Variants in NEDD4L observed in about 807,000 individuals in gnomAD.
The protein encoded by NEDD4L is NEDD4 like E3 ubiquitin protein ligase.
NEDD4L carries 54 observed loss-of-function variants against 148.9 expected under a neutral mutation model. That is an observed-to-expected ratio of 0.36 (90% confidence interval 0.29 to 0.45). The LOEUF (loss-of-function observed/expected upper bound fraction) is 0.45. Ranked by LOEUF, NEDD4L falls within the 20% of genes least tolerant of loss-of-function variation. NEDD4L has a pLI of 1.00. For synonymous variants in NEDD4L, 433 were observed against 440.7 expected, an observed-to-expected ratio of 0.98 and a Z score of 0.22; for missense variants, 856 against 1,233.8, an observed-to-expected ratio of 0.69 and a Z score of 4.59.
intron 5 of NEDD4L, among the ~76,000 whole-genome samples, chr18:58,283,034 A>G (rs7239980): frequency 0.45 from 69,055 of 151,964 alleles, 16,540 homozygotes; most frequent in African/African-American, 0.61. Flanking sequence ...AAGGAACGTG[A>G]TAAATTGCAC....
intron 25 of NEDD4L, among the ~76,000 whole-genome samples, chr18:58,384,207 T>C (rs1036180502): frequency 6.6e-6 from 1 of 152,224 alleles, no homozygotes; most frequent in Non-Finnish European, 1.5e-5. Flanking sequence ...TTCAGTGTGA[T>C]CTGCAAAGAA....
rs1317135693 is a variant in NEDD4L, at chr18:58,256,124, C to T, written c.297+4070C>T. 1.1e-5 allele frequency: 14 copies of T among 1,225,820 alleles called. No homozygotes were observed. The highest frequency in any genetic ancestry group is 1.3e-5 in the Non-Finnish European group (13 of 984,210). The allele number at this position is 1,225,820 out of a possible 1,614,324, so 75.9% of individuals were successfully genotyped here. A position where few individuals can be genotyped will look rare whatever the true frequency, so the allele number is the denominator to read the frequency against. On this transcript the variant is annotated intron_variant, in intron 5 of 30. Coordinates refer to ENST00000400345, the MANE Select transcript of NEDD4L (RefSeq NM_001144967.3). This position sits in a 1 kb window ranked among gnomAD's most constrained non-coding sequence, Gnocchi z 5.2. ...CTCCCCTCCGAGGGCAGCCCGGGAC[C>T]CAGGGCTCCAGGTCAACGGCACGTG... is the stretch of plus-strand genomic sequence containing the variant.
intron 3 of NEDD4L, among the ~76,000 whole-genome samples, chr18:58,248,076 C>T (rs921810587): frequency 6.6e-6 from 1 of 152,128 alleles, no homozygotes; most frequent in African/African-American, 2.4e-5. Flanking sequence ...ATATCTATCG[C>T]TGTTGGTGAA....
At chr18:58,245,299 A>G in intron 2 of NEDD4L, 128 bp from the exon 3 acceptor site, 1 of 531,828 alleles carries the variant, frequency 1.9e-6, no homozygotes. Context: ...TAAAAAGGTT[A>G]TTGCTTAGTT....
At chr18:58,252,116 G>A (rs2048008979) in intron 5 of NEDD4L, 62 bp downstream of exon 5, 1 of 1,071,244 alleles carries the variant, frequency 9.3e-7, no homozygotes, top group East Asian at 2.4e-5. Flanking sequence ...TTTCAGAGCA[G>A]CGTCTTTAAA....
chr18:58,101,111 A>C (rs2084727944), intron 1 of NEDD4L, among the ~76,000 whole-genome samples: 3 of 152,234 alleles, frequency 2.0e-5, no homozygotes, highest in Admixed American at 2.0e-4. Context: ...TGGATGAAAA[A>C]GAAATAACTT....
chr18:58,109,561 G>GTTTTTTTTTGTTT (rs1568228305), intron 1 of NEDD4L, among the ~76,000 whole-genome samples: 2 of 135,948 alleles, frequency 1.5e-5, no homozygotes, highest in Non-Finnish European at 3.1e-5. Flanking sequence ...CAACTAGGAG[G>GTTTTTTTTTGTTT]TTTTTTTTTT....
intron 1 of NEDD4L, among the ~76,000 whole-genome samples, chr18:58,101,047 C>A (rs9961344): frequency 6.6e-6 from 1 of 152,080 alleles, no homozygotes; most frequent in Non-Finnish European, 1.5e-5. Context: ...CTCAAGGGAT[C>A]CTCCCTCCTT....
At chr18:58,082,669 G>A (rs977306118) in intron 1 of NEDD4L, among the ~76,000 whole-genome samples, 1 of 151,408 alleles carries the variant, frequency 6.6e-6, no homozygotes, top group South Asian at 2.1e-4. Flanking sequence ...CTACTTGAGC[G>A]TCTGAGGCAG....
At chr18:58,097,651 G>A (rs984994274) in intron 1 of NEDD4L, among the ~76,000 whole-genome samples, 13 of 152,222 alleles carry the variant, frequency 8.5e-5, no homozygotes, top group Non-Finnish European at 2.9e-5. Context: ...TATACAGATG[G>A]AGTGGGAAGA....
chr18:58,230,972 A>G (rs2045105481), intron 2 of NEDD4L, among the ~76,000 whole-genome samples: 3 of 152,110 alleles, frequency 2.0e-5, no homozygotes, highest in Admixed American at 2.0e-4. Context: ...ACAAGTCTGG[A>G]CGTGGTGACT....
At chr18:58,192,036 T>A (rs2040177472) in intron 2 of NEDD4L, among the ~76,000 whole-genome samples, 1 of 152,102 alleles carries the variant, frequency 6.6e-6, no homozygotes, top group Non-Finnish European at 1.5e-5. Context: ...CCTGGTGTGG[T>A]GGCATGCACC....
intron 1 of NEDD4L, among the ~76,000 whole-genome samples, chr18:58,162,453 C>T (rs2036338852): frequency 6.6e-6 from 1 of 152,020 alleles, no homozygotes; most frequent in African/African-American, 2.4e-5. Flanking sequence ...TGTCTTTTCG[C>T]CAAAGAAGCC....
chr18:58,114,867 A>G (rs933905212), intron 1 of NEDD4L, among the ~76,000 whole-genome samples: 2 of 152,086 alleles, frequency 1.3e-5, no homozygotes, highest in African/African-American at 2.4e-5. Flanking sequence ...CCATTCCCAC[A>G]TGGTCACATC....
At chr18:58,146,559 G>C (rs568948350) in intron 1 of NEDD4L, among the ~76,000 whole-genome samples, 1 of 152,328 alleles carries the variant, frequency 6.6e-6, no homozygotes, top group Admixed American at 6.5e-5. Context: ...GAAAGTCCCA[G>C]AGTAGGGTTC....
chr18:58,069,758 G>T (rs2082775547), intron 1 of NEDD4L, among the ~76,000 whole-genome samples: 1 of 152,178 alleles, frequency 6.6e-6, no homozygotes, highest in Non-Finnish European at 1.5e-5. Context: ...GAGAACATTG[G>T]CAAAACCTAT....
chr18:58,271,840 G>A (rs2051087199), intron 5 of NEDD4L, among the ~76,000 whole-genome samples: 2 of 152,102 alleles, frequency 1.3e-5, no homozygotes, highest in Non-Finnish European at 2.9e-5. Flanking sequence ...TTTTCGTTTT[G>A]TATGTTTTCC....
chr18:58,383,342 CCTTTT>C (rs753275320), intron 25 of NEDD4L, 23 bp downstream of exon 25: 2 of 1,311,832 alleles, frequency 1.5e-6, no homozygotes, highest in South Asian at 2.6e-5. Flanking sequence ...ATATTTACTG[CCTTTT>C]CTTTGAATAA....
At chr18:58,298,461 T>C (rs1338622789) in intron 5 of NEDD4L, among the ~76,000 whole-genome samples, 1 of 152,244 alleles carries the variant, frequency 6.6e-6, no homozygotes. Flanking sequence ...GGCAAATTAC[T>C]TAACTTTTTG....
Sources: allele counts gnomAD v4.1 joint callset (sites outside exome capture counted in the v4.1 genomes callset), GRCh38; gene constraint gnomAD v4.1.1; non-coding constraint Gnocchi (gnomAD v3.1); transcripts MANE v1.5; gene names NCBI Gene and HGNC (gene_info 2026-07-23, HGNC 2026-07-21).